Variants in PHYHD1 observed in about 807,000 individuals in gnomAD.
PHYHD1 encodes phytanoyl-CoA dioxygenase domain-containing protein 1.
Under a neutral mutation model 43.6 loss-of-function variants are expected in PHYHD1, and 42 were observed. That is an observed-to-expected ratio of 0.96 (90% CI 0.75 to 1.25). The LOEUF is 1.25. Among genes scored for constraint, PHYHD1 ranks in the 50% most tolerant of loss-of-function variants. PHYHD1 has a pLI of 0.00. For synonymous variants in PHYHD1, 139 were observed against 143.6 expected (o/e 0.97, Z 0.23); for missense variants, 342 against 370.8 (o/e 0.92, Z 0.64).
chr9:128,937,710 C>T, intron 8 of PHYHD1, 47 bp from the exon 9 acceptor site: 1 of 1,611,934 alleles, frequency 6.2e-7, no homozygotes, highest in Non-Finnish European at 8.5e-7. Flanking sequence ...AGCCCAGCTC[C>T]TCTCTGCTCT....
At chr9:128,940,341 G>A in intron 9 of PHYHD1, 28 bp from the exon 10 acceptor site, 1 of 1,612,644 alleles carries the variant, frequency 6.2e-7, no homozygotes, top group South Asian at 1.1e-5. Context: ...AAAAGGATGA[G>A]CTCCTCACCC....
At position 128,940,708 on chromosome 9, in the gene PHYHD1, G is replaced by A. The variant is rs1395827464; in HGVS notation, c.696G>A (p.Val232=). 6.2e-7 allele frequency: 1 copy of A among 1,613,226 alleles called. No homozygotes were observed. The highest frequency in any genetic ancestry group is 8.5e-7 in the Non-Finnish European group (1 of 1,180,016). The change falls in exon 11 of 13, where the codon GTG becomes GTA. Residue 232 remains valine (V), a synonymous_variant. Coordinates refer to ENST00000372592, the MANE Select transcript of PHYHD1 (RefSeq NM_001100876.2). ...ACAGCCTCTTTGTGCCCACCCCAGT[G>A]CAGAGAGGTAGGCAGATGCAGAGGG... is the stretch of plus-strand genomic sequence containing the variant. ...RDNSLFVPTP[V]QRGALVLIHG... is the part of the protein sequence containing the mutation.
chr9:128,941,844 G>C lies in PHYHD1; in HGVS notation c.*131G>C. 3.1e-6 allele frequency: 4 copies of C among 1,270,118 alleles called. No individual in the cohort carries two copies. Among genetic ancestry groups the C allele is most frequent in the Non-Finnish European group, 4.5e-6 (4 of 898,676 alleles). The allele number at this position is 1,270,118 out of a possible 1,614,324, so 78.7% of individuals were successfully genotyped here. A position where few individuals can be genotyped will look rare whatever the true frequency, so the allele number is the denominator to read the frequency against. ...CCCTCCTGGGCTTTCCTCCTGCCCT[G>C]TGGGCAGCAGCCTAGGCTGGGTCAG... On this transcript the variant is annotated 3_prime_UTR_variant, in exon 13 of 13. Transcript: ENST00000372592.
chr9:128,938,973 C>G (rs1021242529), intron 9 of PHYHD1, among the ~76,000 whole-genome samples: 1 of 130,860 alleles, frequency 7.6e-6, no homozygotes, highest in African/African-American at 2.5e-5. Flanking sequence ...ACGAAGTTCC[C>G]CAAAGGGATG....
chr9:128,928,707 A>C (rs1032056392), intron 4 of PHYHD1, among the ~76,000 whole-genome samples: 2 of 152,082 alleles, frequency 1.3e-5, no homozygotes, highest in Non-Finnish European at 2.9e-5. Context: ...CTGTCTCAAA[A>C]AAAAACAAAA....
intron 6 of PHYHD1, among the ~76,000 whole-genome samples, chr9:128,935,881 G>A (rs1393279572): frequency 6.6e-6 from 1 of 152,048 alleles, no homozygotes; most frequent in African/African-American, 2.4e-5. Context: ...CAGCCTGGGC[G>A]ACAGAGTGAG....
At chr9:128,934,719 TATC>T (rs995405577) in intron 6 of PHYHD1, among the ~76,000 whole-genome samples, 13 of 149,788 alleles carry the variant, frequency 8.7e-5, no homozygotes, top group Non-Finnish European at 8.9e-5. Context: ...AGTGAGCCGA[TATC>T]ATGCCATTGC....
Position 128,926,756 on chromosome 9 carries a change from G to A in PHYHD1, c.34-282G>A, listed in dbSNP as rs550061498. On this transcript the variant is annotated intron_variant, in intron 3 of 12. Transcript: ENST00000372592. ...CCCTGGCTGGTTTGAGACCAGCCAG[G>A]ATGGTCTCAAACTCATGACCTCAAG... The A allele has an allele frequency of 1.1e-5, 5 of 447,976 alleles. No homozygotes were observed. In the East Asian group the frequency reaches 2.9e-4, roughly 26 times the overall value. The allele number at this position is 447,976 out of a possible 1,614,324, so 27.8% of individuals were successfully genotyped here. A position where few individuals can be genotyped will look rare whatever the true frequency, so the allele number is the denominator to read the frequency against.
intron 8 of PHYHD1, among the ~76,000 whole-genome samples, 160 bp from the exon 9 acceptor site, chr9:128,937,597 C>T (rs2131115856): frequency 6.6e-6 from 1 of 152,230 alleles, no homozygotes; most frequent in Middle Eastern, 3.4e-3. Flanking sequence ...TGCATCCCTC[C>T]TGGGGCTGGC....
intron 6 of PHYHD1, among the ~76,000 whole-genome samples, chr9:128,935,295 G>A (rs1455048810): frequency 6.6e-6 from 1 of 152,144 alleles, no homozygotes; most frequent in Admixed American, 6.6e-5. Flanking sequence ...ATCATGGTAA[G>A]CTTGTAGACA....
At chr9:128,922,899 G>A (rs1186018489) in intron 3 of PHYHD1, among the ~76,000 whole-genome samples, 1 of 151,820 alleles carries the variant, frequency 6.6e-6, no homozygotes, top group Non-Finnish European at 1.5e-5. Flanking sequence ...GGGAGGAGAC[G>A]GGGTCTTGCC....
rs897440206 is a variant in PHYHD1 at position 128,936,572 on chromosome 9, C to T, written c.373-11C>T. ...TGGCAGGCTGGCAGCATGACCTTTG[C>T]CCCCCTCCAGACCTTGGCCAGAAGT... On this transcript the variant is annotated splice_polypyrimidine_tract_variant and intron_variant, in intron 7 of 12. Transcript: ENST00000372592. 5 of 1,595,448 alleles carry T rather than the reference C, an allele frequency of 3.1e-6. No homozygotes were observed. Among genetic ancestry groups the T allele is most frequent in the African/African-American group, 1.3e-5 (1 of 74,726 alleles).
At chr9:128,929,334 C>CA (rs1420705437) in intron 4 of PHYHD1, among the ~76,000 whole-genome samples, 5 of 150,308 alleles carry the variant, frequency 3.3e-5, no homozygotes, top group African/African-American at 1.2e-4. Flanking sequence ...GACCCTGTCT[C>CA]AAAAAAACAA....
At position 128,939,614 on chromosome 9, in the gene PHYHD1, G is replaced by GT. The variant is rs1295525150; in HGVS notation, c.458-754dup. Among the ~76,000 whole-genome samples the GT allele has an allele frequency of 5.7e-5, 7 of 123,664 alleles. 1 individual carries two copies. Among genetic ancestry groups the GT allele is most frequent in the Non-Finnish European group, 9.3e-5 (5 of 53,818 alleles). 81.1% of individuals were successfully genotyped at this position (123,664 alleles called of 152,430 possible). ...AAAATAATAATAATAATAAAGAAATGTGGATGCCTGATCATAGCATCTCCC... is the reference window on the plus strand; with the variant it reads ...AAAATAATAATAATAATAAAGAAATGTTGGATGCCTGATCATAGCATCTCCC... On this transcript the variant is annotated intron_variant, in intron 9 of 12. Coordinates refer to ENST00000372592, the MANE Select transcript of PHYHD1 (RefSeq NM_001100876.2).
intron 9 of PHYHD1, chr9:128,938,062 T>C: frequency 9.9e-7 from 1 of 1,005,560 alleles, no homozygotes; most frequent in Non-Finnish European, 1.4e-6. Flanking sequence ...ATCCCAGCAA[T>C]TTGGAAGGCA....
At chr9:128,922,873 T>G (rs895342801) in intron 3 of PHYHD1, among the ~76,000 whole-genome samples, 1 of 151,748 alleles carries the variant, frequency 6.6e-6, no homozygotes, top group African/African-American at 2.4e-5. Context: ...GCTGGACAGG[T>G]TTTTTTGGGA....
intron 3 of PHYHD1, chr9:128,926,797 G>A: frequency 1.7e-6 from 1 of 590,392 alleles, no homozygotes; most frequent in Non-Finnish European, 3.3e-6. Context: ...GCCCGCCTCA[G>A]CCTCTCAAAG....
At chr9:128,933,924 C>A (rs1391979092) in intron 5 of PHYHD1, 67 bp downstream of exon 5, 2 of 1,603,142 alleles carry the variant, frequency 1.2e-6, no homozygotes, top group South Asian at 1.1e-5. Context: ...TGGGAATCTG[C>A]CCCCTGGGCT....
Position 128,936,333 on chromosome 9 carries a change from A to T in PHYHD1, c.317-115A>T. 18 of 1,401,988 alleles carry T rather than the reference A, an allele frequency of 1.3e-5. 1 individual carries two copies. The highest frequency in any genetic ancestry group is 7.6e-5 in the South Asian group (6 of 78,564). 86.8% of individuals were successfully genotyped at this position (1,401,988 alleles called of 1,614,324 possible). On this transcript the variant is annotated intron_variant, in intron 6 of 12. Coordinates refer to ENST00000372592, the MANE Select transcript of PHYHD1 (RefSeq NM_001100876.2). ...CAGTTGTAAACAAGCAGAAGGGTTA[A>T]TGCCTACAAAGTAAGTGAGAATGTC...
Sources: allele counts gnomAD v4.1 joint callset (sites outside exome capture counted in the v4.1 genomes callset), GRCh38; gene constraint gnomAD v4.1.1; transcripts MANE v1.5; gene names NCBI Gene and HGNC (gene_info 2026-07-23, HGNC 2026-07-21).